The following SKAP2 variants were observed in gnomAD, a reference collection of about 807,000 sequenced individuals.
SKAP2 encodes src kinase associated phosphoprotein 2, also known as src kinase-associated phosphoprotein 2.
SKAP2 carries 28 observed loss-of-function variants against 54.9 expected under a neutral mutation model. The ratio of observed to expected loss-of-function variants is 0.51; its 90% CI spans 0.38 to 0.70. The LOEUF (loss-of-function observed/expected upper bound fraction) is 0.70, where lower values mean the gene tolerates loss of function less well. Ranked by LOEUF, SKAP2 falls within the 30% of genes least tolerant of loss-of-function variation. The pLI is 0.00. For synonymous variants in SKAP2, 137 were observed against 134.3 expected, an observed-to-expected ratio of 1.02 and a Z score of -0.14; for missense variants, 356 against 424.1, an observed-to-expected ratio of 0.84 and a Z score of 1.41.
At chr7:26,716,153 T>G (rs997872867) in intron 9 of SKAP2, among the ~76,000 whole-genome samples, 4 of 152,222 alleles carry the variant, frequency 2.6e-5, no homozygotes, top group African/African-American at 9.6e-5. Flanking sequence ...TTTTGATAGA[T>G]TATTAATTTT....
At chr7:26,803,688 A>G (rs7779604) in intron 4 of SKAP2, among the ~76,000 whole-genome samples, 45,519 of 152,130 alleles carry the variant, frequency 0.3, 7,126 homozygotes, top group Middle Eastern at 0.37. Context: ...TTGCAGCATT[A>G]TTTATGATAG....
At position 26,864,545 on chromosome 7, in the gene SKAP2, C is replaced by T. The variant is rs1041205288; in HGVS notation, c.-116G>A. On this transcript the variant is annotated 5_prime_UTR_variant, in exon 1 of 13. Transcript: ENST00000345317. ...GCGGCCCGGATTAAGAACAGCGGGG[C>T]TACGAGTCGGGACACTGCCGGGCCG... The T allele has an allele frequency of 4.1e-6, 6 of 1,458,140 alleles. No individual in the cohort carries two copies. In the East Asian group the frequency reaches 1.0e-4, roughly 25 times the overall value. The allele number at this position is 1,458,140 out of a possible 1,614,324, so 90.3% of individuals were successfully genotyped here. A position where few individuals can be genotyped will look rare whatever the true frequency, so the allele number is the denominator to read the frequency against.
intron 9 of SKAP2, among the ~76,000 whole-genome samples, chr7:26,716,883 T>C (rs1787458278): frequency 6.6e-6 from 1 of 152,236 alleles, no homozygotes; most frequent in Non-Finnish European, 1.5e-5. Context: ...TTTTAAATTA[T>C]TGCCTAAATT....
chr7:26,801,167 T>C (rs1173975413), intron 4 of SKAP2, among the ~76,000 whole-genome samples: 1 of 152,200 alleles, frequency 6.6e-6, no homozygotes, highest in African/African-American at 2.4e-5. Context: ...CATGACCAAG[T>C]GGGATTTATC....
At chr7:26,690,047 T>C (rs1786747412) in intron 10 of SKAP2, among the ~76,000 whole-genome samples, 2 of 152,194 alleles carry the variant, frequency 1.3e-5, no homozygotes. Context: ...AATTGAGTCA[T>C]TACAAAGTAA....
At chr7:26,708,932 T>C (rs1316362652) in intron 9 of SKAP2, among the ~76,000 whole-genome samples, 2 of 152,234 alleles carry the variant, frequency 1.3e-5, no homozygotes, top group Non-Finnish European at 2.9e-5. Flanking sequence ...TCTTTTTGCT[T>C]TTCTCATTTC....
chr7:26,837,031 T>C (rs1245978824), intron 4 of SKAP2, among the ~76,000 whole-genome samples: 1 of 152,200 alleles, frequency 6.6e-6, no homozygotes, highest in Non-Finnish European at 1.5e-5. Context: ...TCGTGTCCTT[T>C]GCAGGGTCAC....
At chr7:26,663,476 G>A (rs984373279), downstream of SKAP2, among the ~76,000 whole-genome samples, 2 of 152,056 alleles carry the variant, frequency 1.3e-5, no homozygotes, top group Non-Finnish European at 2.9e-5. Context: ...GACCTTGTAC[G>A]TACTTATGTA....
chr7:26,843,815 T>G (rs1279285443), intron 4 of SKAP2, among the ~76,000 whole-genome samples: 1 of 151,938 alleles, frequency 6.6e-6, no homozygotes, highest in Non-Finnish European at 1.5e-5. Context: ...CTCAAAAATT[T>G]TAGTAAAGAA....
chr7:26,738,751 A>G (rs775841559), intron 6 of SKAP2, 44 bp downstream of exon 6: 1 of 1,160,128 alleles, frequency 8.6e-7, no homozygotes, highest in Non-Finnish European at 1.3e-6. Context: ...ATGGCCAAAA[A>G]TTCTTTTGCA....
intron 3 of SKAP2, among the ~76,000 whole-genome samples, chr7:26,851,003 TA>T (rs1351542424): frequency 1.3e-5 from 2 of 152,234 alleles, no homozygotes; most frequent in East Asian, 3.9e-4. Context: ...GCCACTGTAA[TA>T]AAACGAGTTT....
intron 9 of SKAP2, among the ~76,000 whole-genome samples, chr7:26,711,948 C>A (rs1395241324): frequency 6.6e-6 from 1 of 152,026 alleles, no homozygotes; most frequent in East Asian, 1.9e-4. Flanking sequence ...GTTTTAGTGG[C>A]AGAATCAGGA....
intron 4 of SKAP2, among the ~76,000 whole-genome samples, chr7:26,791,940 T>C (rs1783680617): frequency 6.6e-6 from 1 of 152,124 alleles, no homozygotes; most frequent in Non-Finnish European, 1.5e-5. Flanking sequence ...TGAAAAGAAT[T>C]AAAACATCCA....
Position 26,782,894 on chromosome 7 carries a change from G to A in SKAP2, c.308-42930C>T, listed in dbSNP as rs915826606. Among the ~76,000 whole-genome samples the A allele has an allele frequency of 2.0e-5, 3 of 152,152 alleles. No individual in the cohort carries two copies. The East Asian group carries it at 5.8e-4, about 29-fold the overall frequency. On this transcript the variant is annotated intron_variant, in intron 4 of 12. Transcript: ENST00000345317. ...TGAACTTCCCAACCTCCAGAACTGT[G>A]AGCGATAAATATCTGTTGATTATAA...
At chr7:26,842,909 G>C (rs563198031) in intron 4 of SKAP2, among the ~76,000 whole-genome samples, 8 of 151,882 alleles carry the variant, frequency 5.3e-5, no homozygotes, top group African/African-American at 1.9e-4. Flanking sequence ...TTTAAAAATA[G>C]AAATTAAATG....
chr7:26,722,385 ATTTTTT>A (rs35643377), intron 9 of SKAP2, among the ~76,000 whole-genome samples: 14 of 89,062 alleles, frequency 1.6e-4, no homozygotes, highest in Middle Eastern at 9.6e-3. Flanking sequence ...ATGCAATGCA[ATTTTTT>A]TTTTTTTTTT....
At chr7:26,750,288 T>C (rs1782653751) in intron 4 of SKAP2, among the ~76,000 whole-genome samples, 1 of 150,564 alleles carries the variant, frequency 6.6e-6, no homozygotes, top group Admixed American at 6.7e-5. Flanking sequence ...CTAATATACC[T>C]AATAGATATA....
At chr7:26,860,159 G>C (rs755645815) in intron 1 of SKAP2, among the ~76,000 whole-genome samples, 39 of 152,042 alleles carry the variant, frequency 2.6e-4, no homozygotes, top group Middle Eastern at 3.2e-3. Flanking sequence ...AATTTGGATT[G>C]GGTAGCTATA....
At chr7:26,800,725 T>G (rs2127984569) in intron 4 of SKAP2, among the ~76,000 whole-genome samples, 1 of 152,218 alleles carries the variant, frequency 6.6e-6, no homozygotes, top group Admixed American at 6.5e-5. Flanking sequence ...AGCAAGTACA[T>G]GCCAATAAAT....
Sources: gnomAD v4.1 joint callset for allele counts (sites outside exome capture counted in the v4.1 genomes callset) on GRCh38, gnomAD v4.1.1 for gene constraint, MANE v1.5 for transcripts, NCBI Gene and HGNC (gene_info 2026-07-23, HGNC 2026-07-21) for gene names.